The following SLC35F3 variants were observed in gnomAD, a reference collection of about 807,000 sequenced individuals.
The protein encoded by SLC35F3 is putative thiamine transporter SLC35F3.
In SLC35F3, 25 loss-of-function variants were observed where a neutral mutation model predicts 49.9. The observed-to-expected ratio is 0.50, with a 90% confidence interval of 0.37 to 0.70. The LOEUF (loss-of-function observed/expected upper bound fraction) is 0.70. SLC35F3 is among the 30% of genes least tolerant of loss of function. The probability of loss-of-function intolerance (pLI) is 0.00; values close to 1 mark genes in which losing one functional copy is unlikely to be tolerated. For synonymous variants in SLC35F3, 275 were observed against 265.4 expected (o/e 1.04, Z -0.35); for missense variants, 525 against 639.8 (o/e 0.82, Z 1.94).
intron 2 of SLC35F3, among the ~76,000 whole-genome samples, chr1:233,908,418 T>G (rs1321523461): frequency 2.6e-5 from 4 of 152,188 alleles, no homozygotes; most frequent in Non-Finnish European, 5.9e-5. Context: ...TTTGTTTGGG[T>G]TGTTAAGATA....
At chr1:234,177,045 T>G (rs1666486857) in intron 2 of SLC35F3, among the ~76,000 whole-genome samples, 1 of 152,230 alleles carries the variant, frequency 6.6e-6, no homozygotes, top group Non-Finnish European at 1.5e-5. Flanking sequence ...CCACATGTCA[T>G]GGGAGGAACC....
chr1:234,314,023 G>A (rs1349411640), intron 4 of SLC35F3, among the ~76,000 whole-genome samples: 2 of 152,192 alleles, frequency 1.3e-5, no homozygotes, highest in Non-Finnish European at 2.9e-5. Context: ...TCACATCCCA[G>A]CACATGGGTC....
chr1:234,003,590 A>C (rs1491000210), intron 2 of SLC35F3, among the ~76,000 whole-genome samples: 1 of 152,154 alleles, frequency 6.6e-6, no homozygotes, highest in Non-Finnish European at 1.5e-5. Context: ...TACAGGAGGG[A>C]CAGCTTCTTA....
chr1:234,123,808 G>A (rs757700969), intron 2 of SLC35F3, among the ~76,000 whole-genome samples: 2 of 152,150 alleles, frequency 1.3e-5, no homozygotes, highest in Non-Finnish European at 2.9e-5. Context: ...TGTAAGAAAA[G>A]AATCTAAAAG....
Position 234,012,826 on chromosome 1 carries a change from T to G in SLC35F3, c.283+107068T>G, listed in dbSNP as rs954988307. On this transcript the variant is annotated intron_variant, in intron 2 of 7. Transcript: ENST00000366618. ...TCTCTTTCTTTGCCCTACAAGCACC[T>G]AAATATACAAAGCAAATATTAAAGG... Among the ~76,000 whole-genome samples the G allele has an allele frequency of 3.9e-5, 6 of 152,310 alleles. No individual in the cohort carries two copies. In the South Asian group the frequency reaches 6.2e-4, roughly 16 times the overall value.
chr1:233,930,866 C>G (rs1486137565), intron 2 of SLC35F3, among the ~76,000 whole-genome samples: 1 of 152,116 alleles, frequency 6.6e-6, no homozygotes, highest in Non-Finnish European at 1.5e-5. Context: ...GTCATCTTCA[C>G]CTTGAGTAGG....
At chr1:234,265,103 A>G (rs1667960930) in intron 3 of SLC35F3, among the ~76,000 whole-genome samples, 1 of 152,120 alleles carries the variant, frequency 6.6e-6, no homozygotes, top group South Asian at 2.1e-4. Context: ...TGACCCCCAG[A>G]TGCATGCCCT....
intron 3 of SLC35F3, among the ~76,000 whole-genome samples, chr1:234,256,103 A>C (rs1466840780): frequency 1.3e-5 from 2 of 152,192 alleles, no homozygotes; most frequent in Non-Finnish European, 2.9e-5. Context: ...GCTCTGAAAA[A>C]TAAAGTCTAT....
chr1:234,139,979 T>TAAAATAAAATAAAATAAAATAAAATA lies in SLC35F3; in HGVS notation c.284-91415_284-91414insATAAAAATAAAATAAAATAAAATAAA, dbSNP rs1553308917. Among the ~76,000 whole-genome samples, 527 of 133,596 alleles carry TAAAATAAAATAAAATAAAATAAAATA rather than the reference T, an allele frequency of 3.9e-3. 23 individuals are homozygous for TAAAATAAAATAAAATAAAATAAAATA. The highest frequency in any genetic ancestry group is 0.013 in the African/African-American group (512 of 38,778). The allele number at this position is 133,596 out of a possible 152,430, so 87.6% of individuals were successfully genotyped here. A position where few individuals can be genotyped will look rare whatever the true frequency, so the allele number is the denominator to read the frequency against. ...TAAAATAAAATAAAATAAAATAAAA[T>TAAAATAAAATAAAATAAAATAAAATA]AAAATAAAATAAAATAAAATAAAGT... On this transcript the variant is annotated intron_variant, in intron 2 of 7. Transcript: ENST00000366618.
rs117736346 is a variant in SLC35F3, at chr1:234,170,819, C to G, written c.284-60598C>G. Among the ~76,000 whole-genome samples the G allele has an allele frequency of 1.1e-3, 160 of 152,286 alleles. 1 individual carries two copies. Among genetic ancestry groups the G allele is most frequent in the African/African-American group, 2.9e-3 (122 of 41,560 alleles). On this transcript the variant is annotated intron_variant, in intron 2 of 7. Transcript: ENST00000366618. The stretch of plus-strand genomic sequence containing the variant: ...AAGAAGTACTTAACGGTTGCACGAA[C>G]GCAATTTCCTTTCCTCCCAAGTCAC...
intron 2 of SLC35F3, among the ~76,000 whole-genome samples, chr1:233,940,371 G>C (rs201795346): frequency 0.12 from 3,330 of 26,766 alleles, 49 homozygotes; most frequent in Middle Eastern, 0.25. Flanking sequence ...CACACACACA[G>C]AGAGAGAGAG....
chr1:234,142,497 G>A (rs186120262), intron 2 of SLC35F3, among the ~76,000 whole-genome samples: 1 of 152,316 alleles, frequency 6.6e-6, no homozygotes, highest in Non-Finnish European at 1.5e-5. Flanking sequence ...GTTTCGGGGT[G>A]CAGAGCAGCC....
chr1:234,319,992 C>A, intron 6 of SLC35F3, 106 bp from the exon 7 acceptor site: 1 of 750,398 alleles, frequency 1.3e-6, no homozygotes, highest in Non-Finnish European at 2.4e-6. Context: ...ATTGTAACTC[C>A]TATGACTCCA....
In SLC35F3 at chr1:234,068,823, T is replaced by TTTTTTA. The variant is rs1553302354; in HGVS notation, c.284-162593_284-162592insTTTTAT. ...GAGTGACAGGATAAGATTTGAGACA[T>TTTTTTA]TATATATATATATATATATATATAT... On this transcript the variant is annotated intron_variant, in intron 2 of 7. Transcript: ENST00000366618. Among the ~76,000 whole-genome samples, 35 of 71,154 alleles carry TTTTTTA rather than the reference T, an allele frequency of 4.9e-4. 2 individuals carry two copies. Among genetic ancestry groups the TTTTTTA allele is most frequent in the African/African-American group, 1.9e-3 (33 of 17,000 alleles). 46.7% of individuals were successfully genotyped at this position (71,154 alleles called of 152,430 possible).
chr1:234,128,284 G>A (rs1309428743), intron 2 of SLC35F3, among the ~76,000 whole-genome samples: 1 of 152,148 alleles, frequency 6.6e-6, no homozygotes, highest in East Asian at 1.9e-4. Context: ...TGTACAGCAG[G>A]GCCATGTTTT....
chr1:234,273,918 A>G (rs77564290), intron 3 of SLC35F3, among the ~76,000 whole-genome samples: 8,993 of 152,242 alleles, frequency 0.059, 308 homozygotes, highest in African/African-American at 0.094. Context: ...TGTGGACCGC[A>G]TACTCATTAC....
chr1:234,146,120 G>A (rs75066845), intron 2 of SLC35F3, among the ~76,000 whole-genome samples: 9,310 of 151,934 alleles, frequency 0.061, 444 homozygotes, highest in African/African-American at 0.12. Context: ...ATTACTGGTG[G>A]CAACTGTAAT....
At chr1:234,223,403 A>G (rs1667239700) in intron 2 of SLC35F3, among the ~76,000 whole-genome samples, 1 of 152,158 alleles carries the variant, frequency 6.6e-6, no homozygotes, top group South Asian at 2.1e-4. Flanking sequence ...CCAAAAGGCA[A>G]CTTTTGTTCA....
At chr1:234,268,254 A>G (rs1229426877) in intron 3 of SLC35F3, among the ~76,000 whole-genome samples, 2 of 152,112 alleles carry the variant, frequency 1.3e-5, no homozygotes, top group Non-Finnish European at 2.9e-5. Flanking sequence ...GGAGCTGGAG[A>G]CCAGCCCGGC....
Sources: gnomAD v4.1 joint callset for allele counts (sites outside exome capture counted in the v4.1 genomes callset) on GRCh38, gnomAD v4.1.1 for gene constraint, MANE v1.5 for transcripts, NCBI Gene and HGNC (gene_info 2026-07-23, HGNC 2026-07-21) for gene names.